Variants in FAM162A observed in about 807,000 individuals in gnomAD.
The protein encoded by FAM162A is protein FAM162A.
A neutral mutation model predicts 21.8 loss-of-function variants in FAM162A; 23 were observed. That is an observed-to-expected ratio of 1.05 (90% CI 0.76 to 1.49). FAM162A has a LOEUF of 1.49. Among genes scored for constraint, FAM162A ranks in the 40% most tolerant of loss-of-function variants. FAM162A has a pLI of 0.00. For missense variants in FAM162A, 165 were observed against 186.4 expected (o/e 0.89, Z 0.67); for synonymous variants, 53 against 61.3 (o/e 0.86, Z 0.64).
chr3:122,388,816 G>A (rs1398791143), intron 1 of FAM162A, among the ~76,000 whole-genome samples: 3 of 152,296 alleles, frequency 2.0e-5, no homozygotes, highest in East Asian at 3.9e-4. Flanking sequence ...TTGGGAGGCC[G>A]AGGTGGGCGG....
chr3:122,399,099 G>A (rs2075642031), intron 1 of FAM162A, among the ~76,000 whole-genome samples: 1 of 151,992 alleles, frequency 6.6e-6, no homozygotes, highest in African/African-American at 2.4e-5. Flanking sequence ...CAACCCTCAG[G>A]TAGGCCCCAA....
chr3:122,401,942 T>C (rs895591699), intron 1 of FAM162A, among the ~76,000 whole-genome samples: 2 of 152,202 alleles, frequency 1.3e-5, no homozygotes, highest in Non-Finnish European at 2.9e-5. Flanking sequence ...TTTCTTTTGC[T>C]GTGCAGAACC....
intron 1 of FAM162A, among the ~76,000 whole-genome samples, chr3:122,385,088 A>G (rs371890305): frequency 1.1e-4 from 17 of 152,312 alleles, no homozygotes; most frequent in African/African-American, 3.8e-4. Flanking sequence ...CACACACTAC[A>G]TTATTAAAAA....
intron 1 of FAM162A, among the ~76,000 whole-genome samples, chr3:122,400,932 T>G (rs932815734): frequency 6.6e-6 from 1 of 152,210 alleles, no homozygotes; most frequent in African/African-American, 2.4e-5. Flanking sequence ...AGAATAATTG[T>G]GTAGAGATTA....
chr3:122,407,128 A>T (rs1285034678), intron 3 of FAM162A, among the ~76,000 whole-genome samples, 153 bp from the exon 4 acceptor site: 1 of 152,050 alleles, frequency 6.6e-6, no homozygotes. Flanking sequence ...GTCCTATGAG[A>T]TCTCTAGGCC....
At chr3:122,390,797 G>A (rs1261837513) in intron 1 of FAM162A, among the ~76,000 whole-genome samples, 1 of 152,126 alleles carries the variant, frequency 6.6e-6, no homozygotes, top group Admixed American at 6.6e-5. Context: ...AGGTGATTTC[G>A]ATAGATAAAA....
At chr3:122,385,257 C>T (rs2075569819) in intron 1 of FAM162A, among the ~76,000 whole-genome samples, 1 of 152,064 alleles carries the variant, frequency 6.6e-6, no homozygotes, top group Non-Finnish European at 1.5e-5. Context: ...TCAAGATTAT[C>T]CTTTACACAG....
chr3:122,402,482 T>C (rs1431918695), intron 1 of FAM162A, among the ~76,000 whole-genome samples: 1 of 152,180 alleles, frequency 6.6e-6, no homozygotes, highest in Admixed American at 6.5e-5. Context: ...GCCATTGTTA[T>C]GATAAGACAC....
chr3:122,400,429 G>A (rs1347902994), intron 1 of FAM162A, among the ~76,000 whole-genome samples: 1 of 152,104 alleles, frequency 6.6e-6, no homozygotes, highest in Non-Finnish European at 1.5e-5. Flanking sequence ...TAGATGACGA[G>A]TTGATGGGTG....
chr3:122,411,956 A>T lies in FAM162A; in HGVS notation c.*2125A>T, dbSNP rs549158488. On this transcript the variant is annotated 3_prime_UTR_variant, in exon 5 of 5. Transcript: ENST00000477892. Reference sequence around the variant, plus strand: ...CTCATTTGTGTTATTCTCCTATTTGATAACATATAGTGACTATCTCTTTAT... The same window carrying T: ...CTCATTTGTGTTATTCTCCTATTTGTTAACATATAGTGACTATCTCTTTAT... 1 of 152,306 alleles carries T rather than the reference A, an allele frequency of 6.6e-6. No individual in the cohort carries two copies. Among genetic ancestry groups the T allele is most frequent in the African/African-American group, 2.4e-5 (1 of 41,566 alleles). The allele number at this position is 152,306 out of a possible 1,614,324, so 9.4% of individuals were successfully genotyped here. A position where few individuals can be genotyped will look rare whatever the true frequency, so the allele number is the denominator to read the frequency against.
chr3:122,409,916 T>C lies in FAM162A; in HGVS notation c.*85T>C. The C allele has an allele frequency of 2.6e-6, 3 of 1,157,116 alleles. No homozygotes were observed. Among genetic ancestry groups the C allele is most frequent in the Middle Eastern group, 1.9e-4 (1 of 5,136 alleles). 71.7% of individuals were successfully genotyped at this position (1,157,116 alleles called of 1,614,324 possible). ...TATTAAAAAGGATGTGGTATGAGGATCCATTTCATAAAGTATGATTTGCCC... is the reference window on the plus strand; with the variant it reads ...TATTAAAAAGGATGTGGTATGAGGACCCATTTCATAAAGTATGATTTGCCC... On this transcript the variant is annotated 3_prime_UTR_variant, in exon 5 of 5. Transcript: ENST00000477892.
chr3:122,395,301 AAAG>A (rs1332252070), intron 1 of FAM162A, among the ~76,000 whole-genome samples: 1 of 152,210 alleles, frequency 6.6e-6, no homozygotes, highest in Non-Finnish European at 1.5e-5. Context: ...ATAAGTGGCA[AAAG>A]AAGTAAAACT....
chr3:122,406,422 T>A (rs1262697460), intron 3 of FAM162A, among the ~76,000 whole-genome samples: 3 of 152,228 alleles, frequency 2.0e-5, no homozygotes, highest in Admixed American at 1.3e-4. Context: ...AATAGAACCA[T>A]GACTCACTGC....
At position 122,411,550 on chromosome 3, in the gene FAM162A, T is replaced by A. The variant is rs1255764213; in HGVS notation, c.*1719T>A. 1 of 151,206 alleles carries A rather than the reference T, an allele frequency of 6.6e-6. No individual in the cohort carries two copies. The allele number at this position is 151,206 out of a possible 1,614,324, so 9.4% of individuals were successfully genotyped here. ...TGTAGTAACATTTATGAGCTTAAAT[T>A]TAATGAAACCTTTTTTTTTTTTTTG... On this transcript the variant is annotated 3_prime_UTR_variant, in exon 5 of 5. Transcript: ENST00000477892.
chr3:122,398,346 G>A (rs189000968), intron 1 of FAM162A, among the ~76,000 whole-genome samples: 1 of 152,096 alleles, frequency 6.6e-6, no homozygotes. Flanking sequence ...TTTCTAAAAG[G>A]TGAATCAGAC....
At chr3:122,398,928 C>G (rs910751712) in intron 1 of FAM162A, among the ~76,000 whole-genome samples, 1 of 152,020 alleles carries the variant, frequency 6.6e-6, no homozygotes, top group Non-Finnish European at 1.5e-5. Flanking sequence ...TTAGGTTAAA[C>G]GATATTTTTA....
At chr3:122,391,784 C>A (rs2075605337) in intron 1 of FAM162A, among the ~76,000 whole-genome samples, 1 of 152,218 alleles carries the variant, frequency 6.6e-6, no homozygotes, top group African/African-American at 2.4e-5. Flanking sequence ...TATTCTTCCA[C>A]CAGATAGCTG....
intron 1 of FAM162A, among the ~76,000 whole-genome samples, chr3:122,400,337 C>A (rs112062834): frequency 2.7e-4 from 41 of 151,988 alleles, no homozygotes; most frequent in African/African-American, 8.9e-4. Flanking sequence ...CACATGGACA[C>A]AGGGAGCGGA....
intron 1 of FAM162A, among the ~76,000 whole-genome samples, chr3:122,402,146 G>A (rs1331007634): frequency 2.6e-5 from 4 of 151,906 alleles, no homozygotes; most frequent in Non-Finnish European, 5.9e-5. Flanking sequence ...AGCGATCATT[G>A]TTGAAAATGG....
Sources: gnomAD v4.1 joint callset for allele counts (sites outside exome capture counted in the v4.1 genomes callset) on GRCh38, gnomAD v4.1.1 for gene constraint, MANE v1.5 for transcripts, NCBI Gene and HGNC (gene_info 2026-07-23, HGNC 2026-07-21) for gene names.